Variants in SP140 observed in about 807,000 individuals in gnomAD.
SP140 encodes nuclear body protein SP140.
In SP140, 81 loss-of-function variants were observed where a neutral mutation model predicts 125.0. That is an observed-to-expected ratio of 0.65 (90% CI 0.54 to 0.78). The LOEUF (loss-of-function observed/expected upper bound fraction) is 0.78. SP140 is among the 30% of genes least tolerant of loss of function. The pLI is 0.00. For synonymous variants in SP140, 312 were observed against 354.0 expected (o/e 0.88, Z 1.33); for missense variants, 858 against 1,037.0 (o/e 0.83, Z 2.37).
intron 22 of SP140, among the ~76,000 whole-genome samples, chr2:230,308,442 A>G (rs2059022361): frequency 6.6e-6 from 1 of 152,224 alleles, no homozygotes; most frequent in Non-Finnish European, 1.5e-5. Flanking sequence ...TTGGTACTTC[A>G]TTCCCTCCCT....
At chr2:230,294,340 A>G (rs1313798582) in intron 21 of SP140, 22 bp downstream of exon 21, 1 of 1,574,848 alleles carries the variant, frequency 6.3e-7, no homozygotes, top group Non-Finnish European at 8.7e-7. Context: ...ATAGCTTTAT[A>G]CAGCTTCTTG....
At chr2:230,222,113 C>T (rs528741745), upstream of SP140, among the ~76,000 whole-genome samples, 13 of 152,138 alleles carry the variant, frequency 8.5e-5, no homozygotes, top group Admixed American at 6.5e-5. Flanking sequence ...GCCTGTAATC[C>T]GAGCTACTCG....
intron 12 of SP140, among the ~76,000 whole-genome samples, chr2:230,265,791 G>C (rs1159496614): frequency 8.3e-5 from 4 of 48,090 alleles, no homozygotes; most frequent in Admixed American, 3.1e-4. Flanking sequence ...TCAGTTTTAC[G>C]GGGGGGGGCG....
chr2:230,312,473 A>T, intron 26 of SP140, 113 bp from the exon 27 acceptor site: 1 of 657,172 alleles, frequency 1.5e-6, no homozygotes, highest in Non-Finnish European at 2.6e-6. Flanking sequence ...TATAAATTGT[A>T]GACTTACAGT....
upstream of SP140, among the ~76,000 whole-genome samples, chr2:230,225,362 A>T (rs543007322): frequency 6.6e-6 from 1 of 152,254 alleles, no homozygotes; most frequent in East Asian, 1.9e-4. Flanking sequence ...CCCTGGCCCC[A>T]TGTCCAAACA....
At chr2:230,194,407 C>T in the SP140 span, among the ~76,000 whole-genome samples, 1 of 151,386 alleles carries the variant, frequency 6.6e-6, no homozygotes, top group Admixed American at 6.6e-5. Context: ...CAAGACCAGC[C>T]TGGACAACAT....
At chr2:230,243,455 A>G (rs1473161699) in intron 4 of SP140, among the ~76,000 whole-genome samples, 1 of 152,206 alleles carries the variant, frequency 6.6e-6, no homozygotes, top group Non-Finnish European at 1.5e-5. Context: ...AGAGGCAGAG[A>G]TTGAGGAAAT....
chr2:230,310,643 GA>G (rs2059256659), intron 23 of SP140, 99 bp from the exon 24 acceptor site: 3 of 1,549,392 alleles, frequency 1.9e-6, no homozygotes, highest in Non-Finnish European at 2.6e-6. Context: ...TCCCATGACT[GA>G]GCCCATCAGC....
intron 1 of SP140, among the ~76,000 whole-genome samples, chr2:230,231,595 A>G (rs1353486183): frequency 6.6e-6 from 1 of 151,138 alleles, no homozygotes; most frequent in Non-Finnish European, 1.5e-5. Flanking sequence ...CTGTTGATGG[A>G]ATGGTAACGT....
chr2:230,229,359 A>G (rs1481739598), intron 1 of SP140, among the ~76,000 whole-genome samples: 1 of 147,208 alleles, frequency 6.8e-6, no homozygotes, highest in Non-Finnish European at 1.5e-5. Flanking sequence ...AAAACATTTT[A>G]TTATATCTGC....
chr2:230,227,092 C>A (rs2046542618), intron 1 of SP140, among the ~76,000 whole-genome samples: 1 of 152,052 alleles, frequency 6.6e-6, no homozygotes, highest in African/African-American at 2.4e-5. Context: ...GGAACCAATT[C>A]CCCCTGGATA....
chr2:230,286,664 A>G (rs564117105), intron 17 of SP140, among the ~76,000 whole-genome samples: 3 of 152,302 alleles, frequency 2.0e-5, no homozygotes, highest in East Asian at 1.9e-4. Context: ...TACAACCTGG[A>G]TGTGAGTGAA....
In SP140 at chr2:230,303,567, C is replaced by A. The variant is rs568644660; in HGVS notation, c.2058+6105C>A. On this transcript the variant is annotated intron_variant, in intron 22 of 26. Coordinates refer to ENST00000392045, the MANE Select transcript of SP140 (RefSeq NM_007237.5). ...ATCCTCCCTAAATCATTCTATGAAG[C>A]CAGTATCACCCTAATACCAAAACCA... 1.9e-4 allele frequency among the ~76,000 whole-genome samples: 29 copies of A among 152,238 alleles called. No homozygotes were observed. In the East Asian group the frequency reaches 5.6e-3, roughly 29 times the overall value.
intron 1 of SP140, among the ~76,000 whole-genome samples, chr2:230,210,454 G>A (rs895637422): frequency 6.6e-6 from 1 of 152,200 alleles, no homozygotes; most frequent in Non-Finnish European, 1.5e-5. Context: ...TGTCTTTGCT[G>A]TATGAAAAAT....
intron 1 of SP140, among the ~76,000 whole-genome samples, chr2:230,204,645 C>A (rs1009642637): frequency 6.6e-6 from 1 of 151,048 alleles, no homozygotes; most frequent in South Asian, 2.1e-4. Context: ...CTAATTTGTG[C>A]CAGGACATTA....
At position 230,287,882 on chromosome 2, in the gene SP140, A is replaced by T. The variant is rs369853786; in HGVS notation, c.1646-10A>T. The T allele has an allele frequency of 5.0e-6, 8 of 1,602,674 alleles. No homozygotes were observed. The highest frequency in any genetic ancestry group is 6.8e-6 in the Non-Finnish European group (8 of 1,173,242). On this transcript the variant is annotated splice_polypyrimidine_tract_variant and intron_variant, in intron 17 of 26. Transcript: ENST00000392045. ...TAAATGACTGTGATTATATTATTCTACTTTCTCAGGGAGAAAGAGAGGCAA... is the reference window on the plus strand; with the variant it reads ...TAAATGACTGTGATTATATTATTCTTCTTTCTCAGGGAGAAAGAGAGGCAA...
upstream of SP140, among the ~76,000 whole-genome samples, chr2:230,222,539 C>A (rs763955669): frequency 6.6e-5 from 10 of 151,998 alleles, no homozygotes; most frequent in Non-Finnish European, 1.5e-4. Flanking sequence ...GACAACAGAG[C>A]AAGACCTCGT....
intron 20 of SP140, among the ~76,000 whole-genome samples, chr2:230,293,031 C>G (rs2057308066): frequency 6.6e-6 from 1 of 152,150 alleles, no homozygotes. Context: ...GTCATTCTGA[C>G]TAGGGTGCAT....
At chr2:230,293,133 A>T (rs546098439) in intron 20 of SP140, among the ~76,000 whole-genome samples, 1 of 152,354 alleles carries the variant, frequency 6.6e-6, no homozygotes, top group Non-Finnish European at 1.5e-5. Context: ...TAAAAGCCAG[A>T]ATGCCATGAA....
Sources: gnomAD v4.1 joint callset for allele counts (sites outside exome capture counted in the v4.1 genomes callset) on GRCh38, gnomAD v4.1.1 for gene constraint, MANE v1.5 for transcripts, NCBI Gene and HGNC (gene_info 2026-07-23, HGNC 2026-07-21) for gene names.